Variants in INPP4B observed in about 807,000 individuals in gnomAD.
The protein encoded by INPP4B is inositol polyphosphate 4-phosphatase type II.
INPP4B carries 55 observed loss-of-function variants against 122.5 expected under a neutral mutation model. The observed-to-expected ratio is 0.45, with a 90% confidence interval of 0.36 to 0.56. The LOEUF (loss-of-function observed/expected upper bound fraction) is 0.56. Among genes scored for constraint, INPP4B ranks in the 20% least tolerant of loss-of-function variants. INPP4B has a pLI of 0.00. For missense variants in INPP4B, 1,000 were observed against 1,097.7 expected (o/e 0.91, Z 1.26); for synonymous variants, 403 against 388.7 (o/e 1.04, Z -0.43).
At position 142,029,823 on chromosome 4, in the gene INPP4B, G is replaced by A. The variant is rs550716210; in HGVS notation, c.2643-909C>T. 133 of 1,046,904 alleles carry A rather than the reference G, an allele frequency of 1.3e-4. 1 individual carries two copies. In the African/African-American group the frequency reaches 2.0e-3, roughly 15 times the overall value. The allele number at this position is 1,046,904 out of a possible 1,614,324, so 64.9% of individuals were successfully genotyped here. A position where few individuals can be genotyped will look rare whatever the true frequency, so the allele number is the denominator to read the frequency against. Reference sequence around the variant, plus strand: ...TCTTTAATAAATTTAGTGGGATGAGGACAGGAGGTTCAGAACTTCAAGCTT... The same window carrying A: ...TCTTTAATAAATTTAGTGGGATGAGAACAGGAGGTTCAGAACTTCAAGCTT... On this transcript the variant is annotated intron_variant, in intron 25 of 25. Transcript: ENST00000262992.
In INPP4B at chr4:142,027,469, G is replaced by GAA. The variant is rs1382863263; in HGVS notation, c.*1311_*1312dup. The GAA allele has an allele frequency of 6.6e-6, 1 of 152,190 alleles. No individual in the cohort carries two copies. Among genetic ancestry groups the GAA allele is most frequent in the Non-Finnish European group, 1.5e-5 (1 of 68,018 alleles). 9.4% of individuals were successfully genotyped at this position (152,190 alleles called of 1,614,324 possible). ...GGAACAAGAATTTGTAAAATTTGGA[G>GAA]AAAAGTTTCATTCGTTCAGACTTTT... On this transcript the variant is annotated 3_prime_UTR_variant, in exon 26 of 26. Transcript: ENST00000262992.
chr4:142,257,445 T>G (rs1237921621), intron 11 of INPP4B, among the ~76,000 whole-genome samples: 1 of 152,142 alleles, frequency 6.6e-6, no homozygotes, highest in Non-Finnish European at 1.5e-5. Context: ...TGATTGTATA[T>G]CTAGAAAACC....
chr4:142,819,258 G>A (rs1187563701), intron 1 of INPP4B, among the ~76,000 whole-genome samples: 1 of 152,136 alleles, frequency 6.6e-6, no homozygotes, highest in Non-Finnish European at 1.5e-5. Flanking sequence ...AAGCCCTAAA[G>A]GGCTACATCC....
chr4:142,454,883 T>G (rs762680092), intron 3 of INPP4B, among the ~76,000 whole-genome samples: 1 of 152,006 alleles, frequency 6.6e-6, no homozygotes, highest in African/African-American at 2.4e-5. Context: ...GTAAATACAA[T>G]AAGCAAGCTA....
chr4:142,746,257 G>A (rs954461653), intron 1 of INPP4B, among the ~76,000 whole-genome samples: 8 of 152,006 alleles, frequency 5.3e-5, no homozygotes, highest in African/African-American at 9.7e-5. Flanking sequence ...AATCATGAGT[G>A]AACTCCCATT....
chr4:142,838,037 T>TTTG, intron 1 of INPP4B, among the ~76,000 whole-genome samples: 1 of 151,930 alleles, frequency 6.6e-6, no homozygotes, highest in African/African-American at 2.4e-5. Context: ...AGTGGTGTTT[T>TTTG]TTTTTTTTTA....
At chr4:142,430,369 C>T (rs947346532) in intron 4 of INPP4B, among the ~76,000 whole-genome samples, 10 of 152,012 alleles carry the variant, frequency 6.6e-5, no homozygotes, top group Admixed American at 6.6e-4. Context: ...CTGCTTTCAA[C>T]ATTGACAATC....
intron 2 of INPP4B, among the ~76,000 whole-genome samples, chr4:142,631,934 A>C (rs1385114137): frequency 6.6e-6 from 1 of 152,060 alleles, no homozygotes; most frequent in Non-Finnish European, 1.5e-5. Flanking sequence ...TGTGAAAGGC[A>C]GCAAGACAGA....
At chr4:142,827,820 A>G (rs554722831) in intron 1 of INPP4B, among the ~76,000 whole-genome samples, 70 of 152,174 alleles carry the variant, frequency 4.6e-4, no homozygotes, top group Non-Finnish European at 4.9e-4. Flanking sequence ...GACAAGAACT[A>G]TGTGCTAGAT....
At chr4:142,403,207 T>G (rs1238795184) in intron 6 of INPP4B, among the ~76,000 whole-genome samples, 153 bp from the exon 7 acceptor site, 2 of 152,238 alleles carry the variant, frequency 1.3e-5, no homozygotes, top group Admixed American at 1.3e-4. Flanking sequence ...CAAATCCTGC[T>G]CTTGGGCAAC....
At chr4:142,509,268 G>A (rs1027505039) in intron 2 of INPP4B, among the ~76,000 whole-genome samples, 1 of 152,118 alleles carries the variant, frequency 6.6e-6, no homozygotes, top group African/African-American at 2.4e-5. Context: ...TGGGATAAAT[G>A]TGCCAAACGT....
At chr4:142,267,228 C>A (rs1393035192) in intron 10 of INPP4B, among the ~76,000 whole-genome samples, 1 of 151,932 alleles carries the variant, frequency 6.6e-6, no homozygotes, top group Admixed American at 6.6e-5. Flanking sequence ...CTTAAGAAAC[C>A]ACAAAAGAGC....
chr4:142,255,937 T>A (rs1448463603), intron 11 of INPP4B, among the ~76,000 whole-genome samples: 5 of 142,928 alleles, frequency 3.5e-5, no homozygotes, highest in African/African-American at 1.3e-4. Context: ...ATTCCAAAAT[T>A]GACCACATAG....
intron 7 of INPP4B, among the ~76,000 whole-genome samples, chr4:142,340,017 G>A (rs955918491): frequency 5.9e-5 from 9 of 152,102 alleles, no homozygotes; most frequent in African/African-American, 1.9e-4. Context: ...TAAGCTACAA[G>A]ACTGTCTTCT....
At chr4:142,793,103 C>T (rs924450190) in intron 1 of INPP4B, among the ~76,000 whole-genome samples, 2 of 150,192 alleles carry the variant, frequency 1.3e-5, no homozygotes, top group African/African-American at 2.5e-5. Context: ...AGGGATGGGC[C>T]GATCAATTAC....
chr4:142,359,037 A>C (rs1366913382), intron 7 of INPP4B, among the ~76,000 whole-genome samples: 1 of 151,976 alleles, frequency 6.6e-6, no homozygotes, highest in Non-Finnish European at 1.5e-5. Context: ...TATTGGAAAA[A>C]TTAGTTCAGA....
intron 2 of INPP4B, among the ~76,000 whole-genome samples, chr4:142,554,188 C>CAAAAAAAA (rs758209943): frequency 6.2e-5 from 6 of 97,186 alleles, no homozygotes; most frequent in African/African-American, 1.2e-4. Context: ...AACTCCATCT[C>CAAAAAAAA]AAAAAAAAAA....
intron 2 of INPP4B, among the ~76,000 whole-genome samples, chr4:142,701,252 T>G (rs976324621): frequency 6.6e-6 from 1 of 152,102 alleles, no homozygotes; most frequent in African/African-American, 2.4e-5. Flanking sequence ...TCCCACCCAT[T>G]TGGTCTCCAT....
intron 11 of INPP4B, among the ~76,000 whole-genome samples, chr4:142,248,336 C>CTT (rs34309443): frequency 0.015 from 1,606 of 106,338 alleles, 74 homozygotes; most frequent in East Asian, 0.072. Flanking sequence ...CTCTCTCTCT[C>CTT]TTTTTTTTTT....
Sources: allele counts gnomAD v4.1 joint callset (sites outside exome capture counted in the v4.1 genomes callset), GRCh38; gene constraint gnomAD v4.1.1; transcripts MANE v1.5; gene names NCBI Gene and HGNC (gene_info 2026-07-23, HGNC 2026-07-21).